The following PHKB variants were observed in gnomAD, a reference collection of about 807,000 sequenced individuals.
PHKB encodes phosphorylase kinase regulatory subunit beta, also known as phosphorylase b kinase regulatory subunit beta.
A neutral mutation model predicts 152.1 loss-of-function variants in PHKB; 122 were observed. The observed-to-expected ratio is 0.80, with a 90% CI of 0.69 to 0.93. The LOEUF is 0.93. PHKB is among the 40% of genes least tolerant of loss of function. PHKB has a pLI of 0.00. For synonymous variants in PHKB, 436 were observed against 464.9 expected (o/e 0.94, Z 0.80); for missense variants, 1,304 against 1,328.4 (o/e 0.98, Z 0.29).
chr16:47,680,187 G>A (rs1046596798), intron 26 of PHKB, among the ~76,000 whole-genome samples: 2 of 151,994 alleles, frequency 1.3e-5, no homozygotes, highest in African/African-American at 4.8e-5. Flanking sequence ...TTTATTGAGG[G>A]TTTGTGCATC....
intron 14 of PHKB, among the ~76,000 whole-genome samples, chr16:47,639,556 C>A (rs117145828): frequency 1.8e-4 from 28 of 152,252 alleles, no homozygotes; most frequent in Non-Finnish European, 3.5e-4. Context: ...TGATAGTCCC[C>A]TAACTAGATG....
intron 7 of PHKB, among the ~76,000 whole-genome samples, chr16:47,555,463 C>T (rs1186359393): frequency 6.6e-6 from 1 of 152,146 alleles, no homozygotes; most frequent in Admixed American, 6.5e-5. Flanking sequence ...TTGATTTATG[C>T]AACAAATCAC....
At chr16:47,588,282 G>T (rs1971968491) in intron 9 of PHKB, among the ~76,000 whole-genome samples, 1 of 149,028 alleles carries the variant, frequency 6.7e-6, no homozygotes. Flanking sequence ...ACTCTTTTAT[G>T]TAAGTAATGT....
chr16:47,698,642 C>G, intron 30 of PHKB, 54 bp downstream of exon 30: 1 of 1,224,122 alleles, frequency 8.2e-7, no homozygotes, highest in Non-Finnish European at 1.1e-6. Context: ...TTCATTGTCT[C>G]AATTCTTTAA....
intron 6 of PHKB, among the ~76,000 whole-genome samples, chr16:47,517,775 T>C (rs952439366): frequency 6.6e-6 from 1 of 152,186 alleles, no homozygotes; most frequent in African/African-American, 2.4e-5. Flanking sequence ...ATTTCTTATT[T>C]GTGGTTTTTC....
At chr16:47,478,198 G>C (rs181987508) in intron 1 of PHKB, among the ~76,000 whole-genome samples, 5 of 152,242 alleles carry the variant, frequency 3.3e-5, no homozygotes, top group Admixed American at 3.3e-4. Context: ...TACAAGATGA[G>C]AGTTATTTTT....
chr16:47,649,919 T>A (rs1597150400), intron 18 of PHKB, among the ~76,000 whole-genome samples: 1 of 151,948 alleles, frequency 6.6e-6, no homozygotes, highest in South Asian at 2.1e-4. Context: ...ACTGATTGAT[T>A]GACAGATAGA....
chr16:47,687,377 C>T (rs572025023), intron 26 of PHKB, among the ~76,000 whole-genome samples: 32 of 152,278 alleles, frequency 2.1e-4, no homozygotes, highest in African/African-American at 7.7e-4. Flanking sequence ...TACTTTTATG[C>T]TTGTGTAACG....
chr16:47,690,850 A>C (rs1974047068), intron 27 of PHKB, among the ~76,000 whole-genome samples: 1 of 152,190 alleles, frequency 6.6e-6, no homozygotes, highest in Admixed American at 6.5e-5. Flanking sequence ...ACTCTACCTT[A>C]ACCAAAAGAT....
At chr16:47,626,868 A>G (rs1972719579) in intron 14 of PHKB, among the ~76,000 whole-genome samples, 1 of 152,246 alleles carries the variant, frequency 6.6e-6, no homozygotes, top group Non-Finnish European at 1.5e-5. Flanking sequence ...CCCCTCCTAC[A>G]GCCAAATGAT....
At chr16:47,543,608 C>T (rs533527310) in intron 6 of PHKB, among the ~76,000 whole-genome samples, 4 of 152,158 alleles carry the variant, frequency 2.6e-5, no homozygotes, top group South Asian at 4.1e-4. Flanking sequence ...TGGTACAATT[C>T]GGCTGTGAAT....
chr16:47,635,047 A>G (rs138186317), intron 14 of PHKB, among the ~76,000 whole-genome samples: 155 of 152,336 alleles, frequency 1.0e-3, no homozygotes, highest in Non-Finnish European at 1.9e-3. Flanking sequence ...TACTTAACCA[A>G]GTAAAAGATC....
At position 47,587,901 on chromosome 16, in the gene PHKB, C is replaced by T; in HGVS notation, c.870+138C>T. ...GATAAGAGGACATGATAGATATTGC[C>T]CCTTACTCCTCTGGCCTGGGGAGGT... On this transcript the variant is annotated intron_variant, in intron 9 of 30. Coordinates refer to ENST00000323584, the MANE Select transcript of PHKB (RefSeq NM_000293.3). The T allele has an allele frequency of 8.3e-6, 6 of 725,596 alleles. No homozygotes were observed. The South Asian group carries it at 9.5e-5, about 12-fold the overall frequency. The allele number at this position is 725,596 out of a possible 1,614,324, so 44.9% of individuals were successfully genotyped here.
intron 2 of PHKB, among the ~76,000 whole-genome samples, 161 bp downstream of exon 2, chr16:47,497,649 A>T (rs1455257686): frequency 6.6e-6 from 1 of 152,230 alleles, no homozygotes; most frequent in Non-Finnish European, 1.5e-5. Flanking sequence ...GTATGTCGAT[A>T]TCAGGACTAT....
chr16:47,525,323 G>T (rs1970747796), intron 6 of PHKB, among the ~76,000 whole-genome samples: 1 of 152,262 alleles, frequency 6.6e-6, no homozygotes, highest in South Asian at 2.1e-4. Context: ...TAGGAAAGGG[G>T]TGGCTTTTTC....
chr16:47,634,221 A>G (rs1159244923), intron 14 of PHKB, among the ~76,000 whole-genome samples: 2 of 152,258 alleles, frequency 1.3e-5, no homozygotes, highest in Non-Finnish European at 2.9e-5. Flanking sequence ...CACACAGCAA[A>G]TAATAGTATA....
intron 4 of PHKB, among the ~76,000 whole-genome samples, chr16:47,507,214 A>G (rs935996148): frequency 2.0e-5 from 3 of 152,162 alleles, no homozygotes; most frequent in African/African-American, 4.8e-5. Context: ...GGCTCAAGCA[A>G]TCCTTCCACC....
intron 4 of PHKB, among the ~76,000 whole-genome samples, chr16:47,510,280 C>CA (rs1970488659): frequency 6.6e-6 from 1 of 152,130 alleles, no homozygotes; most frequent in Non-Finnish European, 1.5e-5. Flanking sequence ...TTGACTCAAT[C>CA]ACCAGCTTTT....
intron 16 of PHKB, among the ~76,000 whole-genome samples, chr16:47,647,777 G>A (rs1025402563): frequency 6.6e-6 from 1 of 152,134 alleles, no homozygotes; most frequent in South Asian, 2.1e-4. Flanking sequence ...GATTACAGGC[G>A]TGAGCCACCA....
Sources: allele counts gnomAD v4.1 joint callset (sites outside exome capture counted in the v4.1 genomes callset), GRCh38; gene constraint gnomAD v4.1.1; transcripts MANE v1.5; gene names NCBI Gene and HGNC (gene_info 2026-07-23, HGNC 2026-07-21).